XPNPEP3: variants seen among roughly 807,000 people sequenced by gnomAD.
XPNPEP3 encodes X-prolyl aminopeptidase 3, also known as xaa-Pro aminopeptidase 3.
XPNPEP3 carries 41 observed loss-of-function variants against 60.0 expected under a neutral mutation model. The ratio of observed to expected loss-of-function variants is 0.68; its 90% CI spans 0.53 to 0.89. The LOEUF is 0.89. Among genes scored for constraint, XPNPEP3 ranks in the 40% least tolerant of loss-of-function variants. The pLI, the probability that XPNPEP3 is intolerant of heterozygous loss-of-function variation, is 0.00. For missense variants in XPNPEP3, 598 were observed against 638.9 expected (o/e 0.94, Z 0.69); for synonymous variants, 212 against 223.2 (o/e 0.95, Z 0.45).
intron 1 of XPNPEP3, chr22:40,860,962 T>C (rs2057940522): frequency 9.0e-7 from 1 of 1,108,182 alleles, no homozygotes; most frequent in Non-Finnish European, 1.3e-6. Context: ...CTGCTAAAAG[T>C]GTTGAAAAGC....
Position 40,922,336 on chromosome 22 carries a change from C to T in XPNPEP3, c.1059C>T (p.Phe353=). 1.9e-6 allele frequency: 3 copies of T among 1,613,792 alleles called. No homozygotes were observed. Among genetic ancestry groups the T allele is most frequent in the South Asian group, 1.1e-5 (1 of 91,056 alleles). Residue 353 remains phenylalanine (F), a synonymous_variant, in exon 8 of 10, where the codon TTC becomes TTT. Transcript: ENST00000357137. ...ITRTWPVNGR[F]TAPQAELYEA... Reference sequence around the variant, plus strand: ...TCTTTGGTTTTCCCGTCCCCAGGTTCACCGCACCTCAGGCAGAACTCTATG... The same window carrying T: ...TCTTTGGTTTTCCCGTCCCCAGGTTTACCGCACCTCAGGCAGAACTCTATG...
At chr22:40,857,294 C>T in intron 1 of XPNPEP3, 49 bp downstream of exon 1, 1 of 1,607,414 alleles carries the variant, frequency 6.2e-7, no homozygotes. Flanking sequence ...CCTGGAGGGA[C>T]CCAAGTTGGT....
At chr22:40,925,021 T>A (rs2058230064) in intron 9 of XPNPEP3, among the ~76,000 whole-genome samples, 1 of 152,234 alleles carries the variant, frequency 6.6e-6, no homozygotes, top group Non-Finnish European at 1.5e-5. Context: ...GAATCTTTTT[T>A]AATCCTGCCT....
At chr22:40,893,115 A>T (rs985807755) in intron 4 of XPNPEP3, among the ~76,000 whole-genome samples, 1 of 146,828 alleles carries the variant, frequency 6.8e-6, no homozygotes, top group African/African-American at 2.5e-5. Flanking sequence ...AATATATATA[A>T]ATATATATTA....
intron 2 of XPNPEP3, among the ~76,000 whole-genome samples, chr22:40,881,220 GT>G (rs1171480349): frequency 6.6e-6 from 1 of 151,396 alleles, no homozygotes. Flanking sequence ...TAATTTTTGT[GT>G]TTTTTTTAGT....
rs1797979655 is a variant in XPNPEP3 at position 40,924,470 on chromosome 22, A to ACAATTGAGC, written c.1347_1355dup (p.Ile450_Pro452dup). 1.2e-6 allele frequency: 2 copies of ACAATTGAGC among 1,614,016 alleles called. No homozygotes were observed. Among genetic ancestry groups the ACAATTGAGC allele is most frequent in the Admixed American group, 1.7e-5 (1 of 59,988 alleles). On this transcript the variant is annotated inframe_insertion, in exon 9 of 10. Coordinates refer to ENST00000357137, the MANE Select transcript of XPNPEP3 (RefSeq NM_022098.4). Reference sequence around the variant, plus strand: ...CCCTCTGCAGCCTGGGATGGTAATCACAATTGAGCCCGGTAAGGAGAGGTG... The same window carrying ACAATTGAGC: ...CCCTCTGCAGCCTGGGATGGTAATCACAATTGAGCCAATTGAGCCCGGTAAGGAGAGGTG...
At chr22:40,914,158 A>AG in intron 6 of XPNPEP3, 81 bp from the exon 7 acceptor site, 4 of 1,273,326 alleles carry the variant, frequency 3.1e-6, no homozygotes, top group Non-Finnish European at 4.6e-6. Flanking sequence ...AAAAAAAAAA[A>AG]AAGAAAGGCA....
chr22:40,907,197 G>A (rs545485335), intron 4 of XPNPEP3: 36 of 457,972 alleles, frequency 7.9e-5, no homozygotes, highest in East Asian at 4.1e-4. Context: ...CAAGGTAGGC[G>A]GATCACGAGG....
At chr22:40,918,823 T>A (rs1310538255) in intron 7 of XPNPEP3, among the ~76,000 whole-genome samples, 1 of 151,326 alleles carries the variant, frequency 6.6e-6, no homozygotes, top group Non-Finnish European at 1.5e-5. Flanking sequence ...CTGACTGGTA[T>A]TCACCTTATA....
intron 6 of XPNPEP3, among the ~76,000 whole-genome samples, chr22:40,912,838 C>A (rs1033127383): frequency 3.3e-5 from 5 of 152,098 alleles, no homozygotes; most frequent in Non-Finnish European, 7.4e-5. Context: ...CCACTGCACT[C>A]CAGCTCTGGG....
At chr22:40,889,809 A>T (rs1194196692) in intron 4 of XPNPEP3, among the ~76,000 whole-genome samples, 1 of 152,228 alleles carries the variant, frequency 6.6e-6, no homozygotes, top group Admixed American at 6.5e-5. Context: ...AGCCTTGGTG[A>T]CAGAGCAAAC....
intron 7 of XPNPEP3, among the ~76,000 whole-genome samples, chr22:40,918,953 C>A (rs1183369166): frequency 1.3e-5 from 2 of 151,674 alleles, no homozygotes; most frequent in Non-Finnish European, 2.9e-5. Context: ...AGCAGTTCTC[C>A]TGCCTCAGCC....
At chr22:40,922,118 G>A (rs2058218710) in intron 7 of XPNPEP3, among the ~76,000 whole-genome samples, 1 of 152,064 alleles carries the variant, frequency 6.6e-6, no homozygotes, top group Non-Finnish European at 1.5e-5. Flanking sequence ...AGAAGAGACT[G>A]TGTTGCTGCT....
intron 2 of XPNPEP3, among the ~76,000 whole-genome samples, chr22:40,877,124 T>A (rs1018128292): frequency 6.6e-6 from 1 of 152,244 alleles, no homozygotes; most frequent in African/African-American, 2.4e-5. Context: ...AATCATAATA[T>A]GTATATGTAG....
chr22:40,870,379 A>C (rs2057999104), intron 2 of XPNPEP3: 1 of 216,736 alleles, frequency 4.6e-6, no homozygotes, highest in African/African-American at 2.4e-5. Flanking sequence ...CTATACCTTA[A>C]GTGCATGTTA....
intron 4 of XPNPEP3, among the ~76,000 whole-genome samples, chr22:40,894,816 T>A (rs1170348822): frequency 6.6e-6 from 1 of 152,154 alleles, no homozygotes; most frequent in Non-Finnish European, 1.5e-5. Context: ...TCCCTTAGAA[T>A]TTTCATAGAG....
intron 1 of XPNPEP3, chr22:40,861,446 G>A: frequency 1.2e-6 from 2 of 1,614,078 alleles, no homozygotes; most frequent in Non-Finnish European, 1.7e-6. Flanking sequence ...CAGATATGTA[G>A]TTGTCCATCC....
At chr22:40,878,490 G>A (rs933918149) in intron 2 of XPNPEP3, among the ~76,000 whole-genome samples, 6 of 151,834 alleles carry the variant, frequency 4.0e-5, no homozygotes, top group African/African-American at 9.7e-5. Context: ...ATGTGTTAAT[G>A]TATACTGTTA....
chr22:40,926,023 C>T (rs576164398), intron 9 of XPNPEP3, among the ~76,000 whole-genome samples: 102 of 152,200 alleles, frequency 6.7e-4, no homozygotes, highest in Non-Finnish European at 1.2e-3. Context: ...TTGTATTTAG[C>T]TTGTAGTCCA....
Sources: gnomAD v4.1 joint callset for allele counts (sites outside exome capture counted in the v4.1 genomes callset) on GRCh38, gnomAD v4.1.1 for gene constraint, MANE v1.5 for transcripts, NCBI Gene and HGNC (gene_info 2026-07-23, HGNC 2026-07-21) for gene names.